The following HSPBP1 variants were observed in gnomAD, a reference collection of about 807,000 sequenced individuals.
The protein encoded by HSPBP1 is HSPA (Hsp70) binding protein 1, also known as hsp70-binding protein 1.
Under a neutral mutation model 41.7 loss-of-function variants are expected in HSPBP1, and 31 were observed. The observed-to-expected ratio is 0.74, with a 90% CI of 0.56 to 1.00. HSPBP1 has a LOEUF of 1.00. Among genes scored for constraint, HSPBP1 ranks in the 50% least tolerant of loss-of-function variants. The pLI is 0.00. For synonymous variants in HSPBP1, 199 were observed against 214.4 expected (o/e 0.93, Z 0.63); for missense variants, 439 against 487.9 (o/e 0.90, Z 0.94).
At chr19:55,263,967 CTTTT>C (rs201171002) in intron 7 of HSPBP1, among the ~76,000 whole-genome samples, 3 of 130,504 alleles carry the variant, frequency 2.3e-5, no homozygotes, top group East Asian at 2.2e-4. Context: ...ATGTAGTACA[CTTTT>C]TTTTTTTTTT....
chr19:55,279,531 G>GC lies in HSPBP1; in HGVS notation c.77dup (p.Gly27ArgfsTer32). ...CCCCAGCCGAGGAGCCGCCGCCGCC[G>GC]CCCCCTGAAGAGCAACCCTGGGAGG... is the stretch of plus-strand genomic sequence containing the variant. On this transcript the variant is annotated frameshift_variant, in exon 2 of 8. Transcript: ENST00000433386. LOFTEE classifies it high-confidence loss of function. 6.2e-7 allele frequency: 1 copy of GC among 1,609,732 alleles called. No individual in the cohort carries two copies. Among genetic ancestry groups the GC allele is most frequent in the Non-Finnish European group, 8.5e-7 (1 of 1,178,622 alleles).
intron 4 of HSPBP1, among the ~76,000 whole-genome samples, chr19:55,274,013 G>A (rs1455944330): frequency 6.6e-6 from 1 of 152,100 alleles, no homozygotes; most frequent in African/African-American, 2.4e-5. Flanking sequence ...CTGGCAGGTG[G>A]GGTGATAGTG....
Position 55,272,765 on chromosome 19 carries a change from G to C in HSPBP1, c.640+1633C>G, listed in dbSNP as rs1423572970. Among the ~76,000 whole-genome samples, 4 of 152,020 alleles carry C rather than the reference G, an allele frequency of 2.6e-5. No individual in the cohort carries two copies. Among genetic ancestry groups the C allele is most frequent in the Admixed American group, 6.6e-5 (1 of 15,264 alleles). ...CTGAGGCAGAACTGCTTGAACCTGG[G>C]AGGAGGAGGTTGTAGTGAGCCGAGA... On this transcript the variant is annotated intron_variant, in intron 4 of 7. Coordinates refer to ENST00000433386, the MANE Select transcript of HSPBP1 (RefSeq NM_012267.5). This position sits in a 1 kb window ranked among gnomAD's most constrained non-coding sequence, Gnocchi z 4.2.
chr19:55,264,700 A>T lies in HSPBP1; in HGVS notation c.1005+578T>A, dbSNP rs570179809. On this transcript the variant is annotated intron_variant, in intron 7 of 7. Transcript: ENST00000433386. ...AACAACTGTATTGGGTAATTTAGAT[A>T]ATAATTCAATGATTGGGCAACACTT... Among the ~76,000 whole-genome samples, 62 of 152,328 alleles carry T rather than the reference A, an allele frequency of 4.1e-4. 1 individual carries two copies. Among genetic ancestry groups the T allele is most frequent in the African/African-American group, 1.5e-3 (61 of 41,554 alleles).
At chr19:55,265,232 C>T (rs752101342) in intron 7 of HSPBP1, 46 bp downstream of exon 7, 3 of 1,250,432 alleles carry the variant, frequency 2.4e-6, no homozygotes, top group Admixed American at 3.7e-5. Flanking sequence ...TTGTCCCCTC[C>T]CCCTTGCACC....
intron 7 of HSPBP1, among the ~76,000 whole-genome samples, chr19:55,264,561 C>T (rs989422710): frequency 1.3e-5 from 2 of 151,830 alleles, no homozygotes; most frequent in African/African-American, 4.8e-5. Flanking sequence ...TGTTATTTAC[C>T]CAAAATAATT....
At chr19:55,266,323 C>T in intron 4 of HSPBP1, 37 bp from the exon 5 acceptor site, 1 of 1,535,288 alleles carries the variant, frequency 6.5e-7, no homozygotes, top group Non-Finnish European at 8.8e-7. Context: ...TTGCAGTCAC[C>T]ACCACCACCA....
At chr19:55,264,426 T>A (rs1293058935) in intron 7 of HSPBP1, among the ~76,000 whole-genome samples, 1 of 152,238 alleles carries the variant, frequency 6.6e-6, no homozygotes, top group Non-Finnish European at 1.5e-5. Flanking sequence ...ATGCATTACT[T>A]AATCAGTTAA....
chr19:55,277,935 G>A, intron 2 of HSPBP1, 89 bp from the exon 3 acceptor site: 2 of 1,058,562 alleles, frequency 1.9e-6, no homozygotes, highest in South Asian at 1.7e-5. Flanking sequence ...CAACAACTGA[G>A]GGCTGATGTT....
intron 7 of HSPBP1, 21 bp downstream of exon 7, chr19:55,265,256 AC>A: frequency 7.7e-7 from 1 of 1,306,668 alleles, no homozygotes; most frequent in Non-Finnish European, 1.0e-6. Context: ...TCCTCCTTGC[AC>A]CCCGTCCCCT....
At position 55,266,237 on chromosome 19, in the gene HSPBP1, G is replaced by A. The variant is rs368611870; in HGVS notation, c.690C>T (p.Asp230=). The change falls in exon 5 of 8, where the codon GAC becomes GAT. Residue 230 remains aspartate (D), a synonymous_variant. Coordinates refer to ENST00000433386, the MANE Select transcript of HSPBP1 (RefSeq NM_012267.5). ...EAGLLQFLRL[D]GFSVLMRAMQ... Reference sequence around the variant, plus strand: ...TGGCCCTCATCAACACAGAGAAGCCGTCCAGGCGGAGGAACTGCAGCAGCC... The same window carrying A: ...TGGCCCTCATCAACACAGAGAAGCCATCCAGGCGGAGGAACTGCAGCAGCC... 61 of 1,583,470 alleles carry A rather than the reference G, an allele frequency of 3.9e-5. No individual in the cohort carries two copies. The highest frequency in any genetic ancestry group is 2.7e-4 in the African/African-American group (20 of 74,312).
chr19:55,277,737 G>T lies in HSPBP1; in HGVS notation c.320C>A (p.Thr107Asn). 1.2e-6 allele frequency: 2 copies of T among 1,608,516 alleles called. No homozygotes were observed. The highest frequency in any genetic ancestry group is 1.7e-4 in the Middle Eastern group (1 of 5,748). ...LRVLSQPMPP[T>N]AGEAEQAADQ... ...GGCCGCCTGCTCGGCCTCCCCAGCA[G>T]TGGGGGGCATGGGCTGTGACAGCAC... is the stretch of plus-strand genomic sequence containing the variant. Residue 107 changes from threonine to asparagine, a missense_variant, in exon 3 of 8, where the codon ACT (threonine) becomes AAT (asparagine). Thr to Asn is a moderately conservative substitution (Grantham distance 65). Coordinates refer to ENST00000433386, the MANE Select transcript of HSPBP1 (RefSeq NM_012267.5).
rs2087833799 is a variant in HSPBP1 at position 55,268,139 on chromosome 19, A to T, written c.641-1853T>A. On this transcript the variant is annotated intron_variant, in intron 4 of 7. Coordinates refer to ENST00000433386, the MANE Select transcript of HSPBP1 (RefSeq NM_012267.5). This position sits in a 1 kb window ranked among gnomAD's most constrained non-coding sequence, Gnocchi z 4.5. ...AGCAGTGTAAAATATTTTCCATTAA[A>T]CACAACGTTGGCTGGGCGCGGTGGC... 6.6e-6 allele frequency among the ~76,000 whole-genome samples: 1 copy of T among 152,192 alleles called. No individual in the cohort carries two copies. Among genetic ancestry groups the T allele is most frequent in the South Asian group, 2.1e-4 (1 of 4,826 alleles).
intron 4 of HSPBP1, among the ~76,000 whole-genome samples, chr19:55,267,471 T>C (rs1192024180): frequency 1.3e-5 from 2 of 151,574 alleles, no homozygotes; most frequent in Non-Finnish European, 2.9e-5. Flanking sequence ...TCTCTTTTTT[T>C]TTTTTTTGAG....
chr19:55,279,516 G>A lies in HSPBP1; in HGVS notation c.93C>T (p.Ser31=), dbSNP rs1276486759. The A allele has an allele frequency of 6.3e-7, 1 of 1,587,638 alleles. No individual in the cohort carries two copies. Among genetic ancestry groups the A allele is most frequent in the Admixed American group, 1.8e-5 (1 of 56,246 alleles). The change falls in exon 2 of 8, where the codon TCC becomes TCT. Residue 31 remains serine (S), a synonymous_variant. Transcript: ENST00000433386. Reference sequence around the variant, plus strand: ...GGGAATTGCCCGAGCCCCCAGCCGAGGAGCCGCCGCCGCCGCCCCCTGAAG... The same window carrying A: ...GGGAATTGCCCGAGCCCCCAGCCGAAGAGCCGCCGCCGCCGCCCCCTGAAG... ...GCSSGGGGGG[S]SAGGSGNSRP... is the part of the protein sequence containing the mutation.
At chr19:55,266,036 C>T (rs2087765482) in intron 5 of HSPBP1, 54 bp from the exon 6 acceptor site, 1 of 1,562,622 alleles carries the variant, frequency 6.4e-7, no homozygotes, top group Non-Finnish European at 8.7e-7. Context: ...CTCCTATGCC[C>T]TCCCCGGGAT....
intron 7 of HSPBP1, 131 bp from the exon 8 acceptor site, chr19:55,262,813 G>A: frequency 1.3e-6 from 1 of 762,930 alleles, no homozygotes. Context: ...CCAGAGGTTA[G>A]GCTTTTTTAA....
chr19:55,264,870 C>A (rs2087730832), intron 7 of HSPBP1, among the ~76,000 whole-genome samples: 1 of 152,072 alleles, frequency 6.6e-6, no homozygotes, highest in Non-Finnish European at 1.5e-5. Context: ...ACCAGCGGAC[C>A]CAGGAGCCCC....
chr19:55,263,039 G>A (rs191016696), intron 7 of HSPBP1, among the ~76,000 whole-genome samples: 70 of 152,122 alleles, frequency 4.6e-4, no homozygotes, highest in Admixed American at 2.9e-3. Context: ...GTTAAACTAC[G>A]TAATATAAAA....
Sources: gnomAD v4.1 joint callset for allele counts (sites outside exome capture counted in the v4.1 genomes callset) on GRCh38, gnomAD v4.1.1 for gene constraint, Gnocchi (gnomAD v3.1) non-coding constraint, MANE v1.5 for transcripts, NCBI Gene and HGNC (gene_info 2026-07-23, HGNC 2026-07-21) for gene names.